The following CHCHD3 variants were observed in gnomAD, a reference collection of about 807,000 sequenced individuals.
CHCHD3 encodes the protein coiled-coil-helix-coiled-coil-helix domain containing 3.
A neutral mutation model predicts 38.2 loss-of-function variants in CHCHD3; 20 were observed. That is an observed-to-expected ratio of 0.52 (90% CI 0.37 to 0.76). The LOEUF (loss-of-function observed/expected upper bound fraction) is 0.76. Among genes scored for constraint, CHCHD3 ranks in the 30% least tolerant of loss-of-function variants. The pLI, the probability that CHCHD3 is intolerant of heterozygous loss-of-function variation, is 0.00. For missense variants in CHCHD3, 245 were observed against 279.2 expected (o/e 0.88, Z 0.87); for synonymous variants, 82 against 100.0 (o/e 0.82, Z 1.07).
At chr7:132,902,789 C>T (rs1057181379) in intron 4 of CHCHD3, among the ~76,000 whole-genome samples, 2 of 152,042 alleles carry the variant, frequency 1.3e-5, no homozygotes, top group African/African-American at 4.8e-5. Flanking sequence ...ACACGTTGTG[C>T]ACATGTACCC....
Position 133,035,983 on chromosome 7 carries a change from G to A in CHCHD3, c.170-11356C>T. 8.8e-7 allele frequency: 1 copy of A among 1,142,340 alleles called. No homozygotes were observed. The highest frequency in any genetic ancestry group is 2.5e-5 in the East Asian group (1 of 39,352). The allele number at this position is 1,142,340 out of a possible 1,614,324, so 70.8% of individuals were successfully genotyped here. ...AGTGTTATCAGGTAGGGGTCCTTAG[G>A]GGAACTGTTTTAATGAAACTAGTAA... On this transcript the variant is annotated intron_variant, in intron 2 of 7. Transcript: ENST00000262570. The surrounding 1 kb of genome is among the most constrained non-coding windows in gnomAD (Gnocchi z 4.7).
At chr7:132,803,940 C>A (rs1806852309) in intron 6 of CHCHD3, among the ~76,000 whole-genome samples, 1 of 151,406 alleles carries the variant, frequency 6.6e-6, no homozygotes, top group South Asian at 2.1e-4. Context: ...GGAACTAAAG[C>A]AAACTATGAC....
In CHCHD3 at chr7:132,861,886, C is replaced by G. The variant is rs146109091; in HGVS notation, c.454-23417G>C. On this transcript the variant is annotated intron_variant, in intron 5 of 7. Transcript: ENST00000262570. ...ATGCCTGGTCTATCCAAATTTTAAG[C>G]CTCAGGTGTCAAGGAATAGAAAGGT... Among the ~76,000 whole-genome samples, 1,117 of 152,170 alleles carry G rather than the reference C, an allele frequency of 7.3e-3. 13 individuals carry two copies. Among genetic ancestry groups the G allele is most frequent in the African/African-American group, 0.025 (1,036 of 41,504 alleles).
chr7:132,934,639 T>C (rs913482203), intron 4 of CHCHD3, among the ~76,000 whole-genome samples: 1 of 152,178 alleles, frequency 6.6e-6, no homozygotes, highest in Non-Finnish European at 1.5e-5. Flanking sequence ...AACAGGGCCA[T>C]CATGGAGTAG....
chr7:132,971,169 C>T (rs1376072820), intron 4 of CHCHD3, among the ~76,000 whole-genome samples: 1 of 152,186 alleles, frequency 6.6e-6, no homozygotes, highest in Non-Finnish European at 1.5e-5. Context: ...GTTGCATTAA[C>T]TTTACAAATT....
At chr7:132,802,099 T>C (rs1339841832) in intron 6 of CHCHD3, among the ~76,000 whole-genome samples, 1 of 152,166 alleles carries the variant, frequency 6.6e-6, no homozygotes, top group Non-Finnish European at 1.5e-5. Flanking sequence ...CCTAAACAGA[T>C]GGGTACAAAC....
intron 4 of CHCHD3, among the ~76,000 whole-genome samples, chr7:132,942,882 C>T (rs1318274886): frequency 6.6e-6 from 1 of 152,158 alleles, no homozygotes; most frequent in African/African-American, 2.4e-5. Flanking sequence ...CATGTGCAGC[C>T]TACCACTAGG....
rs1483238755 is a variant in CHCHD3 at position 132,974,089 on chromosome 7, C to T, written c.369+1080G>A. 4.2e-6 allele frequency: 5 copies of T among 1,192,582 alleles called. No individual in the cohort carries two copies. The Admixed American group carries it at 1.3e-4, about 30-fold the overall frequency. 73.9% of individuals were successfully genotyped at this position (1,192,582 alleles called of 1,614,324 possible). ...TGAATACAAAAGGCAGAACATTATT[C>T]AGCCATTAAAAACTACATTTCAGAA... is the stretch of plus-strand genomic sequence containing the variant. On this transcript the variant is annotated intron_variant, in intron 4 of 7. Transcript: ENST00000262570.
In CHCHD3 at chr7:133,035,368, G is replaced by A. The variant is rs561069872; in HGVS notation, c.170-10741C>T. ...GTGAGGAACCAGCGGTTGGTATTGC[G>A]AAAGGCCCGGCGGAAAGAAGGCTCT... On this transcript the variant is annotated intron_variant, in intron 2 of 7. Transcript: ENST00000262570. The surrounding 1 kb of genome is among the most constrained non-coding windows in gnomAD (Gnocchi z 4.7). 641 of 1,613,100 alleles carry A rather than the reference G, an allele frequency of 4.0e-4. 1 individual carries two copies. Among genetic ancestry groups the A allele is most frequent in the East Asian group, 2.3e-3 (102 of 44,878 alleles).
intron 4 of CHCHD3, among the ~76,000 whole-genome samples, chr7:132,921,760 C>T (rs1417823759): frequency 6.6e-6 from 1 of 152,178 alleles, no homozygotes; most frequent in Non-Finnish European, 1.5e-5. Context: ...CCTAAGGCAG[C>T]CTGCAAAGCC....
At chr7:132,914,417 C>T (rs1363708064) in intron 4 of CHCHD3, among the ~76,000 whole-genome samples, 3 of 152,156 alleles carry the variant, frequency 2.0e-5, no homozygotes, top group Non-Finnish European at 4.4e-5. Context: ...AACATTACAA[C>T]CTTAATTATG....
chr7:132,902,491 A>G (rs1196510617), intron 4 of CHCHD3, among the ~76,000 whole-genome samples: 2 of 152,220 alleles, frequency 1.3e-5, no homozygotes, highest in Non-Finnish European at 2.9e-5. Context: ...CGCAGCCATA[A>G]AAAATGATGA....
intron 4 of CHCHD3, among the ~76,000 whole-genome samples, chr7:132,923,261 C>T (rs922176783): frequency 3.9e-5 from 6 of 151,914 alleles, no homozygotes; most frequent in African/African-American, 9.7e-5. Flanking sequence ...AGTCCTTTTC[C>T]GAAAGTTGGG....
intron 4 of CHCHD3, among the ~76,000 whole-genome samples, chr7:132,930,847 C>A (rs1257924628): frequency 6.6e-6 from 1 of 152,220 alleles, no homozygotes; most frequent in Non-Finnish European, 1.5e-5. Context: ...ATGCCCCTTG[C>A]AGCTCTGACA....
chr7:132,920,037 T>C lies in CHCHD3; in HGVS notation c.370-34292A>G, dbSNP rs181143505. On this transcript the variant is annotated intron_variant, in intron 4 of 7. Transcript: ENST00000262570. Reference sequence around the variant, plus strand: ...AGGGGTAGAGCCACAGCTAGCACACTGGGAACGCACATCGTCATCATGCCC... The same window carrying C: ...AGGGGTAGAGCCACAGCTAGCACACCGGGAACGCACATCGTCATCATGCCC... 3.3e-3 allele frequency among the ~76,000 whole-genome samples: 506 copies of C among 152,284 alleles called. 2 individuals carry two copies. Among genetic ancestry groups the C allele is most frequent in the African/African-American group, 0.011 (468 of 41,554 alleles).
intron 3 of CHCHD3, among the ~76,000 whole-genome samples, chr7:132,984,346 G>A (rs1376649165): frequency 3.9e-5 from 6 of 151,912 alleles, no homozygotes; most frequent in Non-Finnish European, 7.4e-5. Context: ...ATGGCAGACG[G>A]AGTCGCGTTC....
At chr7:132,905,377 T>C (rs1278801484) in intron 4 of CHCHD3, among the ~76,000 whole-genome samples, 12 of 151,954 alleles carry the variant, frequency 7.9e-5, no homozygotes, top group Non-Finnish European at 1.3e-4. Context: ...ATGTTCTCAC[T>C]TATAAGTGGG....
chr7:132,885,389 G>A (rs1010403983), intron 5 of CHCHD3, among the ~76,000 whole-genome samples: 9 of 152,158 alleles, frequency 5.9e-5, no homozygotes, highest in Admixed American at 4.6e-4. Context: ...TGACCTGGAG[G>A]CTATGTAGAT....
chr7:132,972,530 T>C, intron 4 of CHCHD3: 1 of 925,022 alleles, frequency 1.1e-6, no homozygotes, highest in Non-Finnish European at 1.3e-6. Context: ...CTTGATCCAA[T>C]GAATATGTAT....
Sources: allele counts gnomAD v4.1 joint callset (sites outside exome capture counted in the v4.1 genomes callset), GRCh38; gene constraint gnomAD v4.1.1; non-coding constraint Gnocchi (gnomAD v3.1); transcripts MANE v1.5; gene names NCBI Gene and HGNC (gene_info 2026-07-23, HGNC 2026-07-21).